Variants in TIE1 observed in about 807,000 individuals in gnomAD.
TIE1 encodes tyrosine-protein kinase receptor Tie-1.
Under a neutral mutation model 130.5 loss-of-function variants are expected in TIE1, and 89 were observed. The ratio of observed to expected loss-of-function variants is 0.68; its 90% CI spans 0.57 to 0.81. The LOEUF is 0.81. Among genes scored for constraint, TIE1 ranks in the 40% least tolerant of loss-of-function variants. TIE1 has a pLI of 0.00. For synonymous variants in TIE1, 568 were observed against 629.4 expected (o/e 0.90, Z 1.46); for missense variants, 1,392 against 1,559.8 (o/e 0.89, Z 1.81).
At position 43,305,015 on chromosome 1, in the gene TIE1, G is replaced by C. The variant is rs751560777; in HGVS notation, c.223G>C (p.Gly75Arg). ...KDDRIVRTPP[G>R]PPLRLARNGS... ...CGACCGTATCGTGCGCACCCCGCCC[G>C]GGCCACCCCTGCGCCTGGCGCGCAA... Residue 75 changes from glycine (G) to arginine (R), a missense_variant, in exon 2 of 23, where the codon GGG becomes CGG. Around this residue, in one of 6 missense-constraint regions of TIE1, gnomAD observed 415 missense variants for 424.8 expected, o/e 0.98. Transcript: ENST00000372476. 32 of 1,557,868 alleles carry C rather than the reference G, an allele frequency of 2.1e-5. No homozygotes were observed. Among genetic ancestry groups the C allele is most frequent in the African/African-American group, 4.1e-5 (3 of 73,556 alleles).
chr1:43,316,032 C>G lies in TIE1; in HGVS notation c.2410-1167C>G, dbSNP rs1302519345. Among the ~76,000 whole-genome samples the G allele has an allele frequency of 1.3e-5, 2 of 152,186 alleles. No homozygotes were observed. Among genetic ancestry groups the G allele is most frequent in the Non-Finnish European group, 2.9e-5 (2 of 68,032 alleles). On this transcript the variant is annotated intron_variant, in intron 14 of 22. Coordinates refer to ENST00000372476, the MANE Select transcript of TIE1 (RefSeq NM_005424.5). This position sits in a 1 kb window ranked among gnomAD's most constrained non-coding sequence, Gnocchi z 4.4. ...TGAGATCGTGCCATTGCCCTTCCGCCTGGGCAACAGAGCGAGACCTTGTCT... is the reference window on the plus strand; with the variant it reads ...TGAGATCGTGCCATTGCCCTTCCGCGTGGGCAACAGAGCGAGACCTTGTCT...
At chr1:43,310,062 G>A (rs1557445515) in intron 9 of TIE1, among the ~76,000 whole-genome samples, 2 of 151,984 alleles carry the variant, frequency 1.3e-5, no homozygotes, top group African/African-American at 2.4e-5. Flanking sequence ...GGCCTCCTTC[G>A]CCTTCTCCAG....
Position 43,302,743 on chromosome 1 carries a change from C to T in TIE1, c.58+1614C>T, listed in dbSNP as rs61094985. The stretch of plus-strand genomic sequence containing the variant: ...CATGGGAGGTCACAGGCAAGAAAGT[C>T]ACAAGGTCAGGTTTGGTCTTAGATC... On this transcript the variant is annotated intron_variant, in intron 1 of 22. Transcript: ENST00000372476. 3.4e-3 allele frequency among the ~76,000 whole-genome samples: 517 copies of T among 152,040 alleles called. 6 individuals carry two copies. The highest frequency in any genetic ancestry group is 0.012 in the African/African-American group (494 of 41,452).
Position 43,319,131 on chromosome 1 carries a change from T to C in TIE1, c.2923-104T>C. The C allele has an allele frequency of 1.3e-6, 1 of 782,328 alleles. No individual in the cohort carries two copies. The highest frequency in any genetic ancestry group is 2.3e-6 in the Non-Finnish European group (1 of 440,214). 48.5% of individuals were successfully genotyped at this position (782,328 alleles called of 1,614,324 possible). The stretch of plus-strand genomic sequence containing the variant: ...CAGCCAGGAGGGTAGGAGTATGGGG[T>C]ATTGAAGGTAACAAGGGTACCCACG... On this transcript the variant is annotated intron_variant, in intron 17 of 22. Transcript: ENST00000372476. The surrounding 1 kb of genome is among the most constrained non-coding windows in gnomAD (Gnocchi z 4.7).
Position 43,309,385 on chromosome 1 carries a change from T to C in TIE1, c.1189-3T>C, listed in dbSNP as rs754617244. 8.8e-6 allele frequency: 14 copies of C among 1,582,336 alleles called. No homozygotes were observed. In the South Asian group the frequency reaches 1.4e-4, roughly 16 times the overall value. ...ACCTGTCCCCTTCCCCCATCTCTTT[T>C]AGTCCACCAAGGCCATTGTGGAGCC... On this transcript the variant is annotated splice_polypyrimidine_tract_variant and splice_region_variant and intron_variant, in intron 8 of 22. Transcript: ENST00000372476. This position sits in a 1 kb window ranked among gnomAD's most constrained non-coding sequence, Gnocchi z 6.3.
rs1391420042 is a variant in TIE1, at chr1:43,313,954, T to G, written c.2395T>G (p.Tyr799Asp). The change falls in exon 14 of 23, where the codon TAC (tyrosine) becomes GAC (aspartate). Residue 799 changes from tyrosine to aspartate, a missense_variant. By Grantham distance (160) the Tyr-to-Asp change is radical (BLOSUM62 -3). Around this residue, in one of 6 missense-constraint regions of TIE1, gnomAD observed 286 missense variants for 354.4 expected, o/e 0.81. Coordinates refer to ENST00000372476, the MANE Select transcript of TIE1 (RefSeq NM_005424.5). The surrounding 1 kb of genome is among the most constrained non-coding windows in gnomAD (Gnocchi z 6.2). ...CCTGCATCGGAGACGCACCTTCACC[T>G]ACCAGTCAGGCTCGGTCAGTGACCC... is the stretch of plus-strand genomic sequence containing the variant. ...SCLHRRRTFT[Y>D]QSGSGEETIL... The G allele has an allele frequency of 1.2e-6, 2 of 1,614,140 alleles. No homozygotes were observed. The highest frequency in any genetic ancestry group is 2.2e-5 in the South Asian group (2 of 91,088).
In TIE1 at chr1:43,309,228, C is replaced by A; in HGVS notation, c.1188+97C>A. 1.3e-6 allele frequency: 2 copies of A among 1,512,196 alleles called. No individual in the cohort carries two copies. Among genetic ancestry groups the A allele is most frequent in the Non-Finnish European group, 1.8e-6 (2 of 1,127,934 alleles). The allele number at this position is 1,512,196 out of a possible 1,614,324, so 93.7% of individuals were successfully genotyped here. On this transcript the variant is annotated intron_variant, in intron 8 of 22. Coordinates refer to ENST00000372476, the MANE Select transcript of TIE1 (RefSeq NM_005424.5). This position sits in a 1 kb window ranked among gnomAD's most constrained non-coding sequence, Gnocchi z 6.3. ...TAGTCCCTCAGAACTTTCTGCAGGG[C>A]CCACCCATTGGCCTGACCATTGCTC...
At position 43,306,884 on chromosome 1, in the gene TIE1, C is replaced by T. The variant is rs375448608; in HGVS notation, c.529C>T (p.Arg177Trp). 9.3e-6 allele frequency: 15 copies of T among 1,613,766 alleles called. No homozygotes were observed. The Admixed American group carries it at 1.5e-4, about 16-fold the overall frequency. Residue 177 changes from arginine to tryptophan, a missense_variant, in exon 4 of 23, where the codon CGG becomes TGG. Transcript: ENST00000372476. The surrounding 1 kb of genome is among the most constrained non-coding windows in gnomAD (Gnocchi z 4.9). ...TLDWHEAQDG[R>W]FLLQLPNVQP... ...GGACTGGCATGAAGCCCAGGATGGG[C>T]GGTTCCTGCTGCAGCTCCCAAATGT...
rs113382666 is a variant in TIE1 at position 43,323,044 on chromosome 1, C to T, written c.*322C>T. The T allele has an allele frequency of 2.1e-3, 641 of 307,066 alleles. 7 individuals carry two copies. The highest frequency in any genetic ancestry group is 0.012 in the African/African-American group (579 of 47,086). 19.0% of individuals were successfully genotyped at this position (307,066 alleles called of 1,614,324 possible). On this transcript the variant is annotated 3_prime_UTR_variant, in exon 23 of 23. Coordinates refer to ENST00000372476, the MANE Select transcript of TIE1 (RefSeq NM_005424.5). ...GCCAGCACTCACACCACTAACATGCCCTGTTCAGCTACTCCCACTCCCGGC... is the reference window on the plus strand; with the variant it reads ...GCCAGCACTCACACCACTAACATGCTCTGTTCAGCTACTCCCACTCCCGGC...
In TIE1 at chr1:43,309,199, C is replaced by T; in HGVS notation, c.1188+68C>T. ...CTGCTTCACAGCTGATCCCTAAGAC[C>T]CCCTAGTCCCTCAGAACTTTCTGCA... On this transcript the variant is annotated intron_variant, in intron 8 of 22. Transcript: ENST00000372476. The surrounding 1 kb of genome is among the most constrained non-coding windows in gnomAD (Gnocchi z 6.3). The T allele has an allele frequency of 6.5e-7, 1 of 1,531,752 alleles. No homozygotes were observed. The highest frequency in any genetic ancestry group is 8.8e-7 in the Non-Finnish European group (1 of 1,138,536). 94.9% of individuals were successfully genotyped at this position (1,531,752 alleles called of 1,614,324 possible). A position where few individuals can be genotyped will look rare whatever the true frequency, so the allele number is the denominator to read the frequency against.
chr1:43,308,248 G>C lies in TIE1; in HGVS notation c.1042+324G>C, dbSNP rs376699513. 3.4e-4 allele frequency among the ~76,000 whole-genome samples: 52 copies of C among 152,364 alleles called. No homozygotes were observed. In the East Asian group the frequency reaches 7.7e-3, roughly 23 times the overall value. On this transcript the variant is annotated intron_variant, in intron 7 of 22. Transcript: ENST00000372476. ...AAGGGTCTGGAAGCAGGTGTGATCT[G>C]AGATTAGATATGAAGGACAAAAGAG...
chr1:43,306,887 T>C lies in TIE1; in HGVS notation c.532T>C (p.Phe178Leu). ...LDWHEAQDGR[F>L]LLQLPNVQPP... is the part of the protein sequence containing the mutation. ...CTGGCATGAAGCCCAGGATGGGCGG[T>C]TCCTGCTGCAGCTCCCAAATGTGCA... Residue 178 changes from phenylalanine to leucine, a missense_variant, in exon 4 of 23, where the codon TTC becomes CTC. By Grantham distance (22) the Phe-to-Leu change is conservative (BLOSUM62 0). Transcript: ENST00000372476. This position sits in a 1 kb window ranked among gnomAD's most constrained non-coding sequence, Gnocchi z 4.9. 6.2e-7 allele frequency: 1 copy of C among 1,614,000 alleles called. No individual in the cohort carries two copies. Among genetic ancestry groups the C allele is most frequent in the Non-Finnish European group, 8.5e-7 (1 of 1,180,002 alleles).
chr1:43,308,402 G>A (rs1051753746), intron 7 of TIE1, among the ~76,000 whole-genome samples: 62 of 148,768 alleles, frequency 4.2e-4, no homozygotes, highest in African/African-American at 1.5e-3. Context: ...TGGAGTAGGG[G>A]ACCCAGGGAT....
Position 43,318,130 on chromosome 1 carries a change from G to C in TIE1, c.2922+58G>C, listed in dbSNP as rs1294878226. On this transcript the variant is annotated intron_variant, in intron 17 of 22. Transcript: ENST00000372476. This position sits in a 1 kb window ranked among gnomAD's most constrained non-coding sequence, Gnocchi z 4.4. Reference sequence around the variant, plus strand: ...GGGGGAAGCCACTGGGCTGGTGTCAGTGGAAGAAGTCAGCCGGCCCTGATT... The same window carrying C: ...GGGGGAAGCCACTGGGCTGGTGTCACTGGAAGAAGTCAGCCGGCCCTGATT... The C allele has an allele frequency of 2.0e-6, 3 of 1,498,570 alleles. No individual in the cohort carries two copies. The highest frequency in any genetic ancestry group is 2.7e-6 in the Non-Finnish European group (3 of 1,125,046). The allele number at this position is 1,498,570 out of a possible 1,614,324, so 92.8% of individuals were successfully genotyped here. A position where few individuals can be genotyped will look rare whatever the true frequency, so the allele number is the denominator to read the frequency against.
At chr1:43,305,418 G>T in intron 3 of TIE1, 75 bp downstream of exon 3, 1 of 1,401,158 alleles carries the variant, frequency 7.1e-7, no homozygotes, top group South Asian at 1.5e-5. Context: ...ATGACCCATG[G>T]GACCCTCAGC....
Position 43,304,841 on chromosome 1 carries a change from C to T in TIE1, c.59-10C>T. The T allele has an allele frequency of 7.1e-7, 1 of 1,416,906 alleles. No homozygotes were observed. The highest frequency in any genetic ancestry group is 9.2e-7 in the Non-Finnish European group (1 of 1,092,360). 87.8% of individuals were successfully genotyped at this position (1,416,906 alleles called of 1,614,324 possible). On this transcript the variant is annotated splice_polypyrimidine_tract_variant and intron_variant, in intron 1 of 22. Transcript: ENST00000372476. ...GGACTACAATAGAGTCACTGGTGTC[C>T]TGGCCCCAGGCGCGGCGGTGGACCT... is the stretch of plus-strand genomic sequence containing the variant.
intron 19 of TIE1, chr1:43,320,256 A>G (rs964109238): frequency 3.9e-5 from 6 of 152,706 alleles, no homozygotes; most frequent in Non-Finnish European, 5.8e-5. Flanking sequence ...TCTGCCACTA[A>G]CTAGCTGTAT....
chr1:43,306,988 C>T lies in TIE1; in HGVS notation c.633C>T (p.Ile211=), dbSNP rs757103161. ...TGGGCAGCGCCTTCTTTCGGCTCATCGTGCGGGGTCAGAGGCAGAGGGCAG... is the reference window on the plus strand; with the variant it reads ...TGGGCAGCGCCTTCTTTCGGCTCATTGTGCGGGGTCAGAGGCAGAGGGCAG... ...SPLGSAFFRL[I]VRGCGAGRWG... is the part of the protein sequence containing the mutation. The change falls in exon 4 of 23, where the codon ATC becomes ATT. Residue 211 remains isoleucine, a synonymous_variant. Transcript: ENST00000372476. The surrounding 1 kb of genome is among the most constrained non-coding windows in gnomAD (Gnocchi z 4.9). The T allele has an allele frequency of 3.5e-5, 57 of 1,613,678 alleles. No homozygotes were observed. The highest frequency in any genetic ancestry group is 4.2e-5 in the Non-Finnish European group (49 of 1,180,004).
intron 3 of TIE1, 127 bp downstream of exon 3, chr1:43,305,470 T>C: frequency 1.2e-6 from 1 of 824,848 alleles, no homozygotes; most frequent in Non-Finnish European, 1.9e-6. Flanking sequence ...CTCTCCTCTG[T>C]AGTGGACCAG....
Sources: gnomAD v4.1 joint callset for allele counts (sites outside exome capture counted in the v4.1 genomes callset) on GRCh38, gnomAD v4.1.1 for gene constraint, gnomAD v4.1.1 regional missense constraint, Gnocchi (gnomAD v3.1) non-coding constraint, MANE v1.5 for transcripts, NCBI Gene and HGNC (gene_info 2026-07-23, HGNC 2026-07-21) for gene names.